FBLN5: variants seen among roughly 807,000 people sequenced by gnomAD.
FBLN5 encodes the protein fibulin-5.
FBLN5 carries 24 observed loss-of-function variants against 61.6 expected under a neutral mutation model. The observed-to-expected ratio is 0.39, with a 90% CI of 0.28 to 0.55. The LOEUF is 0.55. FBLN5 is among the 20% of genes least tolerant of loss of function. The pLI, the probability that FBLN5 is intolerant of heterozygous loss-of-function variation, is 0.65. For missense variants in FBLN5, 470 were observed against 594.1 expected, an observed-to-expected ratio of 0.79 and a Z score of 2.17; for synonymous variants, 213 against 219.8, an observed-to-expected ratio of 0.97 and a Z score of 0.27.
At chr14:91,919,544 C>T (rs1187567745) in intron 4 of FBLN5, among the ~76,000 whole-genome samples, 1 of 152,060 alleles carries the variant, frequency 6.6e-6, no homozygotes, top group African/African-American at 2.4e-5. Context: ...CAAGTCCTAA[C>T]CCCCAGTACC....
chr14:91,878,396 C>T (rs1889270604), intron 9 of FBLN5, among the ~76,000 whole-genome samples: 1 of 152,174 alleles, frequency 6.6e-6, no homozygotes, highest in Non-Finnish European at 1.5e-5. Context: ...CCAAAGAATG[C>T]CTGTTATAGA....
intron 4 of FBLN5, among the ~76,000 whole-genome samples, chr14:91,927,785 C>T (rs919473540): frequency 2.6e-5 from 4 of 152,234 alleles, no homozygotes; most frequent in Non-Finnish European, 5.9e-5. Context: ...AATGGTCCTG[C>T]CATTAAAAAG....
intron 4 of FBLN5, among the ~76,000 whole-genome samples, chr14:91,918,481 C>G (rs1240606638): frequency 6.6e-6 from 1 of 152,186 alleles, no homozygotes; most frequent in Middle Eastern, 3.2e-3. Flanking sequence ...TGAAGAGTCT[C>G]TCCAAGACTG....
At chr14:91,883,221 C>T in intron 7 of FBLN5, 145 bp from the exon 8 acceptor site, 2 of 859,822 alleles carry the variant, frequency 2.3e-6, no homozygotes, top group South Asian at 2.8e-5. Flanking sequence ...TTCTCCAGCA[C>T]TTCTAGCAAT....
Position 91,942,889 on chromosome 14 carries a change from T to C in FBLN5, c.72+18A>G, listed in dbSNP as rs1040501479. ...TTTTAATACGCTTGTAGATATTTTT[T>C]AAAAATAAAAATCTTACCTGTGCAT... On this transcript the variant is annotated intron_variant, in intron 2 of 10. Coordinates refer to ENST00000342058, the MANE Select transcript of FBLN5 (RefSeq NM_006329.4). 1 of 1,487,906 alleles carries C rather than the reference T, an allele frequency of 6.7e-7. No individual in the cohort carries two copies. The highest frequency in any genetic ancestry group is 1.4e-5 in the African/African-American group (1 of 71,828). The allele number at this position is 1,487,906 out of a possible 1,614,324, so 92.2% of individuals were successfully genotyped here.
chr14:91,893,856 C>A (rs981500359), intron 5 of FBLN5, among the ~76,000 whole-genome samples: 1 of 152,136 alleles, frequency 6.6e-6, no homozygotes, highest in African/African-American at 2.4e-5. Flanking sequence ...TGGTTGGTGG[C>A]GGGGAAGGGC....
intron 1 of FBLN5, chr14:91,946,938 A>G: frequency 6.9e-7 from 1 of 1,456,922 alleles, no homozygotes; most frequent in Non-Finnish European, 9.0e-7. Context: ...TTTCCAGAAA[A>G]GAAAGAGGAA....
intron 4 of FBLN5, among the ~76,000 whole-genome samples, chr14:91,920,997 G>T (rs981625470): frequency 2.0e-5 from 3 of 152,204 alleles, no homozygotes; most frequent in African/African-American, 7.2e-5. Flanking sequence ...GACACAGAGG[G>T]TTCTGAAAGT....
In FBLN5 at chr14:91,870,026, C is replaced by A. The variant is rs988280224; in HGVS notation, c.*198G>T. The A allele has an allele frequency of 1.6e-6, 1 of 632,644 alleles. No homozygotes were observed. The allele number at this position is 632,644 out of a possible 1,614,324, so 39.2% of individuals were successfully genotyped here. On this transcript the variant is annotated 3_prime_UTR_variant, in exon 11 of 11. Coordinates refer to ENST00000342058, the MANE Select transcript of FBLN5 (RefSeq NM_006329.4). ...CTTTTTGATAACTGTGTCATAGGAA[C>A]TGGGGGTGGCAAGTCCTGCAGGGTG...
At chr14:91,936,873 T>G in intron 4 of FBLN5, 74 bp downstream of exon 4, 1 of 1,564,544 alleles carries the variant, frequency 6.4e-7, no homozygotes, top group Non-Finnish European at 8.8e-7. Context: ...AACCCATTTG[T>G]GGTGAGCATG....
intron 3 of FBLN5, among the ~76,000 whole-genome samples, 192 bp downstream of exon 3, chr14:91,940,373 C>T (rs1355390267): frequency 6.6e-6 from 1 of 152,196 alleles, no homozygotes; most frequent in Non-Finnish European, 1.5e-5. Flanking sequence ...TCTTTCACCC[C>T]TCTCAGTGCT....
intron 4 of FBLN5, among the ~76,000 whole-genome samples, chr14:91,917,575 C>CAAAAAA (rs34458933): frequency 4.4e-4 from 28 of 63,446 alleles, no homozygotes; most frequent in East Asian, 5.4e-4. Flanking sequence ...GACTCCATCT[C>CAAAAAA]AAAAAAAAAA....
chr14:91,945,420 G>A (rs909885612), intron 1 of FBLN5, among the ~76,000 whole-genome samples: 2 of 152,096 alleles, frequency 1.3e-5, no homozygotes, highest in African/African-American at 2.4e-5. Context: ...CATACACCTT[G>A]GCAAGGGCAT....
At chr14:91,904,677 G>C (rs1285895461) in intron 4 of FBLN5, among the ~76,000 whole-genome samples, 4 of 152,226 alleles carry the variant, frequency 2.6e-5, no homozygotes, top group Non-Finnish European at 5.9e-5. Flanking sequence ...AAAGCTCAGG[G>C]TTCTTCATCC....
At chr14:91,936,319 G>A (rs148576449) in intron 4 of FBLN5, among the ~76,000 whole-genome samples, 111 of 152,294 alleles carry the variant, frequency 7.3e-4, no homozygotes, top group African/African-American at 2.6e-3. Context: ...TCACAGGCGC[G>A]ATCACAGCGC....
intron 4 of FBLN5, among the ~76,000 whole-genome samples, chr14:91,913,758 G>A (rs2140011394): frequency 6.6e-6 from 1 of 152,290 alleles, no homozygotes; most frequent in South Asian, 2.1e-4. Flanking sequence ...ATACCAAAGT[G>A]AATAAATCAT....
At position 91,902,277 on chromosome 14, in the gene FBLN5, G is replaced by GCT. The variant is rs796285438; in HGVS notation, c.380-7206_380-7205insAG. On this transcript the variant is annotated intron_variant, in intron 4 of 10. Transcript: ENST00000342058. ...TAGACATGGGTTTTTTTGTTTGTTT[G>GCT]TTTGTTTTTTTTTTTTTTTTTTCAA... Among the ~76,000 whole-genome samples the GCT allele has an allele frequency of 9.8e-3, 477 of 48,820 alleles. 2 individuals carry two copies. The highest frequency in any genetic ancestry group is 0.022 in the Admixed American group (92 of 4,240). 32.0% of individuals were successfully genotyped at this position (48,820 alleles called of 152,430 possible).
chr14:91,910,544 A>G (rs1308523755), intron 4 of FBLN5, among the ~76,000 whole-genome samples: 1 of 152,242 alleles, frequency 6.6e-6, no homozygotes, highest in Non-Finnish European at 1.5e-5. Context: ...AAAAAAGTGA[A>G]TATCTGTAAA....
chr14:91,884,695 C>A (rs1889645219), intron 7 of FBLN5, among the ~76,000 whole-genome samples: 1 of 152,252 alleles, frequency 6.6e-6, no homozygotes, highest in African/African-American at 2.4e-5. Flanking sequence ...CCCTGAGTAA[C>A]TGTGCTGAGG....
Sources: allele counts gnomAD v4.1 joint callset (sites outside exome capture counted in the v4.1 genomes callset), GRCh38; gene constraint gnomAD v4.1.1; transcripts MANE v1.5; gene names NCBI Gene and HGNC (gene_info 2026-07-23, HGNC 2026-07-21).